GPC5: variants seen among roughly 807,000 people sequenced by gnomAD.
GPC5 encodes glypican 5.
In GPC5, 47 loss-of-function variants were observed where a neutral mutation model predicts 53.9. The observed-to-expected ratio is 0.87, with a 90% confidence interval of 0.69 to 1.11. GPC5 has a LOEUF of 1.11. GPC5 is among the 50% of genes most tolerant of loss of function. The pLI is 0.00. For missense variants in GPC5, 748 were observed against 713.1 expected (o/e 1.05, Z -0.56); for synonymous variants, 286 against 263.3 (o/e 1.09, Z -0.84).
intron 2 of GPC5, among the ~76,000 whole-genome samples, chr13:91,636,390 C>T (rs1359693): frequency 0.92 from 139,361 of 152,124 alleles, 64,022 homozygotes; most frequent in East Asian, 1. Context: ...ATATATTTTA[C>T]ATACATTATG....
chr13:91,846,592 CT>C (rs1306413277), intron 5 of GPC5, among the ~76,000 whole-genome samples: 1 of 151,656 alleles, frequency 6.6e-6, no homozygotes, highest in Non-Finnish European at 1.5e-5. Context: ...TATGACTAGG[CT>C]TGTCTATCAT....
chr13:92,525,762 C>A (rs752961908), intron 7 of GPC5, among the ~76,000 whole-genome samples: 1 of 151,988 alleles, frequency 6.6e-6, no homozygotes, highest in Non-Finnish European at 1.5e-5. Context: ...ACTTCTGGCA[C>A]TAGCTGATGG....
rs777633701 is a variant in GPC5, at chr13:92,144,934, T to G, written c.1506T>G (p.Asp502Glu). The G allele has an allele frequency of 3.1e-6, 5 of 1,590,222 alleles. No individual in the cohort carries two copies. In the East Asian group the frequency reaches 1.1e-4, roughly 37 times the overall value. Residue 502 changes from aspartate (D) to glutamate (E), a missense_variant, in exon 7 of 8, where the codon GAT becomes GAG. Coordinates refer to ENST00000377067, the MANE Select transcript of GPC5 (RefSeq NM_004466.6). ...EQVSGDCDDE[D>E]GCGGSGSGEV... ...TCAGTGGGGACTGTGATGATGAAGA[T>G]GGTTGCGGGGGATCAGGAAGTGGAG...
chr13:91,687,530 G>T lies in GPC5; in HGVS notation c.326-5657G>T, dbSNP rs532790402. Among the ~76,000 whole-genome samples the T allele has an allele frequency of 4.7e-4, 71 of 152,100 alleles. No homozygotes were observed. In the Middle Eastern group the frequency reaches 0.01, roughly 22 times the overall value. On this transcript the variant is annotated intron_variant, in intron 2 of 7. Transcript: ENST00000377067. ...GTTTTTAGTGAGATAACACATAAAT[G>T]ATTTTATGTGTAGATAAATTAATTT...
At chr13:91,705,292 T>A (rs1444679335) in intron 3 of GPC5, among the ~76,000 whole-genome samples, 1 of 152,222 alleles carries the variant, frequency 6.6e-6, no homozygotes, top group Non-Finnish European at 1.5e-5. Flanking sequence ...TTAGCACCTA[T>A]CTTTTGAGAC....
chr13:92,614,553 C>T (rs1473916578), intron 7 of GPC5, among the ~76,000 whole-genome samples: 2 of 152,158 alleles, frequency 1.3e-5, no homozygotes, highest in African/African-American at 4.8e-5. Flanking sequence ...TTTCAGGTCA[C>T]TTGGCAGAGT....
chr13:91,924,104 T>C (rs1048458977), intron 6 of GPC5, among the ~76,000 whole-genome samples: 1 of 152,164 alleles, frequency 6.6e-6, no homozygotes, highest in Admixed American at 6.5e-5. Flanking sequence ...AAGACCTAAT[T>C]CTTCAGCGTT....
chr13:91,483,318 G>A (rs978561505), intron 2 of GPC5, among the ~76,000 whole-genome samples: 1 of 152,132 alleles, frequency 6.6e-6, no homozygotes, highest in African/African-American at 2.4e-5. Flanking sequence ...GCTCAAATAA[G>A]GCCTTTGTAT....
At chr13:92,106,761 G>A in intron 6 of GPC5, among the ~76,000 whole-genome samples, 1 of 151,922 alleles carries the variant, frequency 6.6e-6, no homozygotes, top group Non-Finnish European at 1.5e-5. Flanking sequence ...CTATGGATAC[G>A]CCAAAAATTT....
intron 7 of GPC5, among the ~76,000 whole-genome samples, chr13:92,722,087 C>A (rs748996349): frequency 2.6e-5 from 4 of 152,024 alleles, no homozygotes; most frequent in African/African-American, 4.8e-5. Flanking sequence ...CTCAACCTTT[C>A]TTCCAGTTCA....
chr13:92,063,264 T>C (rs1310423316), intron 6 of GPC5, among the ~76,000 whole-genome samples: 2 of 152,134 alleles, frequency 1.3e-5, no homozygotes, highest in African/African-American at 4.8e-5. Context: ...TTCACTGCAT[T>C]TCCAAGACCA....
intron 6 of GPC5, among the ~76,000 whole-genome samples, chr13:91,972,323 A>G (rs1159146172): frequency 6.6e-6 from 1 of 152,034 alleles, no homozygotes; most frequent in Non-Finnish European, 1.5e-5. Context: ...TTCTTAGTAG[A>G]TCTTCCTCCA....
At chr13:92,302,660 C>T (rs2043083571) in intron 7 of GPC5, among the ~76,000 whole-genome samples, 1 of 152,200 alleles carries the variant, frequency 6.6e-6, no homozygotes, top group South Asian at 2.1e-4. Flanking sequence ...TTAGCAAGTA[C>T]ATTATCATTC....
At chr13:92,488,282 C>A (rs774145263) in intron 7 of GPC5, among the ~76,000 whole-genome samples, 8 of 152,164 alleles carry the variant, frequency 5.3e-5, no homozygotes, top group Non-Finnish European at 8.8e-5. Flanking sequence ...CAATTTAAAT[C>A]AAAGCATAAT....
At chr13:92,355,048 T>C (rs962153331) in intron 7 of GPC5, among the ~76,000 whole-genome samples, 5 of 151,580 alleles carry the variant, frequency 3.3e-5, no homozygotes, top group African/African-American at 9.7e-5. Flanking sequence ...ATATGCAGAT[T>C]AGCATAATAT....
intron 7 of GPC5, among the ~76,000 whole-genome samples, chr13:92,605,102 C>A (rs1884208601): frequency 6.6e-6 from 1 of 152,076 alleles, no homozygotes; most frequent in Non-Finnish European, 1.5e-5. Context: ...GTTAATCAAC[C>A]CATCATGATA....
chr13:92,169,395 A>G (rs1009391932), intron 7 of GPC5, among the ~76,000 whole-genome samples: 4 of 152,352 alleles, frequency 2.6e-5, no homozygotes, highest in African/African-American at 9.6e-5. Flanking sequence ...AGGTTTAAAA[A>G]TTCACGTTTC....
At position 92,571,614 on chromosome 13, in the gene GPC5, G is replaced by A. The variant is rs191830877; in HGVS notation, c.1562-294668G>A. 9.5e-4 allele frequency among the ~76,000 whole-genome samples: 144 copies of A among 151,622 alleles called. 1 individual carries two copies. Among genetic ancestry groups the A allele is most frequent in the Middle Eastern group, 3.4e-3 (1 of 292 alleles). ...TTTAATATTACAAAAGTGCCTTTCC[G>A]GTATCAGTGTGCTTCATGATCCTTT... On this transcript the variant is annotated intron_variant, in intron 7 of 7. Transcript: ENST00000377067.
intron 2 of GPC5, among the ~76,000 whole-genome samples, chr13:91,608,221 G>A (rs371582528): frequency 3.9e-5 from 6 of 152,150 alleles, no homozygotes; most frequent in South Asian, 2.1e-4. Context: ...ATGGAGCATC[G>A]ATAATAACCA....
Sources: allele counts gnomAD v4.1 joint callset (sites outside exome capture counted in the v4.1 genomes callset), GRCh38; gene constraint gnomAD v4.1.1; transcripts MANE v1.5; gene names NCBI Gene and HGNC (gene_info 2026-07-23, HGNC 2026-07-21).